The following PCDHGA7 variants were observed in gnomAD, a reference collection of about 807,000 sequenced individuals.
PCDHGA7 encodes the protein protocadherin gamma-A7.
Under a neutral mutation model 58.3 loss-of-function variants are expected in PCDHGA7, and 44 were observed. That is an observed-to-expected ratio of 0.75 (90% CI 0.59 to 0.97). The LOEUF (loss-of-function observed/expected upper bound fraction) is 0.97, where lower values mean the gene tolerates loss of function less well. PCDHGA7 is among the 50% of genes least tolerant of loss of function. The pLI is 0.00. For missense variants in PCDHGA7, 1,266 were observed against 1,188.7 expected (o/e 1.06, Z -0.96); for synonymous variants, 516 against 504.2 (o/e 1.02, Z -0.31).
At position 141,383,089 on chromosome 5, in the gene PCDHGA7, GT is replaced by G; in HGVS notation, c.191del (p.Val64AlafsTer14). 2 of 1,613,932 alleles carry G rather than the reference GT, an allele frequency of 1.2e-6. No individual in the cohort carries two copies. Among genetic ancestry groups the G allele is most frequent in the Non-Finnish European group, 1.7e-6 (2 of 1,179,912 alleles). Reference protein sequence around the residue: ...LEPRELAERGVRIISRGRTQL... With the variant: ...LEPRELAERGXRIISRGRTQL... ...GCCCCGGGAGCTGGCGGAGCGCGGAGTCCGCATCATCTCCAGAGGTAGGACG... is the reference window on the plus strand; with the variant it reads ...GCCCCGGGAGCTGGCGGAGCGCGGAGCCGCATCATCTCCAGAGGTAGGACG... On this transcript the variant is annotated frameshift_variant, in exon 1 of 4. Coordinates refer to ENST00000518325, the MANE Select transcript of PCDHGA7 (RefSeq NM_018920.4). LOFTEE classifies it high-confidence loss of function.
intron 1 of PCDHGA7, among the ~76,000 whole-genome samples, chr5:141,444,466 C>T (rs539222916): frequency 7.9e-5 from 12 of 152,100 alleles, no homozygotes; most frequent in East Asian, 1.9e-4. Context: ...TCACTGCGCC[C>T]GGTCGCGTAC....
At chr5:141,386,154 A>T (rs1211383292) in intron 1 of PCDHGA7, among the ~76,000 whole-genome samples, 2 of 152,222 alleles carry the variant, frequency 1.3e-5, no homozygotes, top group Non-Finnish European at 2.9e-5. Context: ...CAACTGTCTC[A>T]CGTACTCAAA....
At chr5:141,441,398 G>A (rs1257981333) in intron 1 of PCDHGA7, 1 of 154,848 alleles carries the variant, frequency 6.5e-6, no homozygotes, top group Non-Finnish European at 1.4e-5. Context: ...TATAACATCA[G>A]CATCACTGCC....
At chr5:141,408,769 C>T in intron 1 of PCDHGA7, 1 of 1,611,166 alleles carries the variant, frequency 6.2e-7, no homozygotes, top group Non-Finnish European at 8.5e-7. Context: ...CCGATGGTGG[C>T]AAATACCCAG....
intron 1 of PCDHGA7, chr5:141,390,890 G>C (rs1043821773): frequency 5.2e-5 from 8 of 152,592 alleles, no homozygotes; most frequent in African/African-American, 1.9e-4. Flanking sequence ...GTGTGTGTGA[G>C]AGAGATCCTT....
At chr5:141,427,972 C>T (rs1368719718) in intron 1 of PCDHGA7, 1 of 1,593,948 alleles carries the variant, frequency 6.3e-7, no homozygotes, top group South Asian at 1.1e-5. Flanking sequence ...GTGCTGTACC[C>T]CGCGCTGGGG....
intron 1 of PCDHGA7, among the ~76,000 whole-genome samples, chr5:141,448,115 T>A (rs62379166): frequency 0.025 from 3,743 of 151,768 alleles, 65 homozygotes; most frequent in Middle Eastern, 0.086. Flanking sequence ...GAAAAGAAAA[T>A]TAGCCTCCCC....
chr5:141,421,964 C>T (rs772274014), intron 1 of PCDHGA7: 3 of 1,611,472 alleles, frequency 1.9e-6, no homozygotes, highest in Non-Finnish European at 1.7e-6. Flanking sequence ...TTTACACAGT[C>T]CGTATATCGC....
chr5:141,505,343 G>C (rs2099845454), intron 2 of PCDHGA7, 50 bp from the exon 3 acceptor site: 1 of 1,612,934 alleles, frequency 6.2e-7, no homozygotes, highest in Non-Finnish European at 8.5e-7. Context: ...GGAGGGGCAT[G>C]AGCTGTGCCG....
rs752316565 is a variant in PCDHGA7 at position 141,487,235 on chromosome 5, C to T, written c.2425-7572C>T. On this transcript the variant is annotated intron_variant, in intron 1 of 3. Coordinates refer to ENST00000518325, the MANE Select transcript of PCDHGA7 (RefSeq NM_018920.4). This position sits in a 1 kb window ranked among gnomAD's most constrained non-coding sequence, Gnocchi z 5.0. The stretch of plus-strand genomic sequence containing the variant: ...TTCAGCTCCAAGGGAAGGAGAATCT[C>T]GTCTAACCCTCTACTTGGCTGTGTC... The T allele has an allele frequency of 2.5e-6, 4 of 1,614,126 alleles. No individual in the cohort carries two copies. Among genetic ancestry groups the T allele is most frequent in the Non-Finnish European group, 3.4e-6 (4 of 1,179,994 alleles).
At chr5:141,425,918 CG>C (rs2096903264) in intron 1 of PCDHGA7, among the ~76,000 whole-genome samples, 1 of 152,200 alleles carries the variant, frequency 6.6e-6, no homozygotes, top group Admixed American at 6.5e-5. Context: ...ACAGTCACTA[CG>C]AAAACTCATA....
At chr5:141,413,316 T>G (rs769316460) in intron 1 of PCDHGA7, 1 of 1,613,976 alleles carries the variant, frequency 6.2e-7, no homozygotes, top group South Asian at 1.1e-5. Context: ...AGAAAGGCTC[T>G]TTCGTGGGCA....
intron 3 of PCDHGA7, among the ~76,000 whole-genome samples, chr5:141,509,069 G>A (rs1463164307): frequency 2.6e-5 from 4 of 152,174 alleles, no homozygotes; most frequent in African/African-American, 9.7e-5. Context: ...CTCAGCTCCG[G>A]GGATTTGCGA....
chr5:141,384,941 C>A lies in PCDHGA7; in HGVS notation c.2042C>A (p.Ser681Tyr), dbSNP rs748067928. ...VLADLGSLEP[S>Y]DGPYNYDLTL... Reference sequence around the variant, plus strand: ...GCCGACCTGGGCAGCCTTGAGCCCTCCGACGGTCCTTACAACTATGACCTC... The same window carrying A: ...GCCGACCTGGGCAGCCTTGAGCCCTACGACGGTCCTTACAACTATGACCTC... Residue 681 changes from serine (S) to tyrosine (Y), a missense_variant, in exon 1 of 4, where the codon TCC becomes TAC. Transcript: ENST00000518325. 2.5e-6 allele frequency: 4 copies of A among 1,614,104 alleles called. No homozygotes were observed. The highest frequency in any genetic ancestry group is 3.4e-6 in the Non-Finnish European group (4 of 1,180,022).
In PCDHGA7 at chr5:141,433,177, A is replaced by T; in HGVS notation, c.2424+47854A>T. 1.9e-6 allele frequency: 3 copies of T among 1,608,174 alleles called. No homozygotes were observed. The Middle Eastern group carries it at 5.0e-4, about 267-fold the overall frequency. Reference sequence around the variant, plus strand: ...TATTTTCTAAAGACAGTCATGGGTTAATTGAGGTGAGTTTATATCAAATCT... The same window carrying T: ...TATTTTCTAAAGACAGTCATGGGTTTATTGAGGTGAGTTTATATCAAATCT... On this transcript the variant is annotated intron_variant, in intron 1 of 3. Coordinates refer to ENST00000518325, the MANE Select transcript of PCDHGA7 (RefSeq NM_018920.4).
At chr5:141,434,875 A>G (rs2097725018) in intron 1 of PCDHGA7, among the ~76,000 whole-genome samples, 1 of 151,990 alleles carries the variant, frequency 6.6e-6, no homozygotes, top group African/African-American at 2.4e-5. Flanking sequence ...TGTGACAGAT[A>G]CCAACAACAA....
intron 1 of PCDHGA7, among the ~76,000 whole-genome samples, chr5:141,456,968 A>AAAAC (rs202005606): frequency 1.3e-4 from 20 of 152,282 alleles, no homozygotes; most frequent in Middle Eastern, 3.4e-3. Flanking sequence ...ATCTCAAAAC[A>AAAAC]AAACAAACAA....
At position 141,476,409 on chromosome 5, in the gene PCDHGA7, G is replaced by A. The variant is rs1226666958; in HGVS notation, c.2425-18398G>A. The A allele has an allele frequency of 6.2e-7, 1 of 1,614,154 alleles. No homozygotes were observed. The highest frequency in any genetic ancestry group is 1.7e-5 in the Admixed American group (1 of 60,030). ...GACCGTCTGGATCGAGAGGAGCTGT[G>A]TGGGACACTGCCCTCTTGCACTGTA... is the stretch of plus-strand genomic sequence containing the variant. On this transcript the variant is annotated intron_variant, in intron 1 of 3. Coordinates refer to ENST00000518325, the MANE Select transcript of PCDHGA7 (RefSeq NM_018920.4). The surrounding 1 kb of genome is among the most constrained non-coding windows in gnomAD (Gnocchi z 7.6).
chr5:141,488,866 G>C (rs957501628), intron 1 of PCDHGA7, among the ~76,000 whole-genome samples: 1 of 152,148 alleles, frequency 6.6e-6, no homozygotes, highest in East Asian at 1.9e-4. Context: ...GAAGTGAGTG[G>C]GGAGGTAGGA....
Sources: allele counts gnomAD v4.1 joint callset (sites outside exome capture counted in the v4.1 genomes callset), GRCh38; gene constraint gnomAD v4.1.1; non-coding constraint Gnocchi (gnomAD v3.1); transcripts MANE v1.5; gene names NCBI Gene and HGNC (gene_info 2026-07-23, HGNC 2026-07-21).